TBCD: variants seen among roughly 807,000 people sequenced by gnomAD.
The protein encoded by TBCD is tubulin-specific chaperone D.
In TBCD, 105 loss-of-function variants were observed where a neutral mutation model predicts 169.3. The ratio of observed to expected loss-of-function variants is 0.62; its 90% CI spans 0.53 to 0.73. TBCD has a LOEUF of 0.73. Ranked by LOEUF, TBCD falls within the 30% of genes least tolerant of loss-of-function variation. The pLI is 0.00. For synonymous variants in TBCD, 700 were observed against 643.9 expected (o/e 1.09, Z -1.32); for missense variants, 1,444 against 1,600.1 (o/e 0.90, Z 1.66).
chr17:82,910,623 G>A (rs2060567098), intron 22 of TBCD, among the ~76,000 whole-genome samples: 2 of 151,892 alleles, frequency 1.3e-5, no homozygotes, highest in Admixed American at 1.3e-4. Context: ...CTGGAGTGCA[G>A]TGGCAGCATG....
At chr17:82,812,319 C>T (rs928228286) in intron 12 of TBCD, among the ~76,000 whole-genome samples, 9 of 152,194 alleles carry the variant, frequency 5.9e-5, no homozygotes, top group Admixed American at 2.6e-4. Flanking sequence ...GTGCCTCCCC[C>T]TCGCCCGCCG....
intron 34 of TBCD, 43 bp downstream of exon 34, chr17:82,932,778 A>ACT: frequency 6.3e-7 from 1 of 1,591,094 alleles, no homozygotes. Context: ...ATTAAGCCTA[A>ACT]GTAGCTCATG....
chr17:82,883,750 T>A lies in TBCD; in HGVS notation c.1476-395T>A, dbSNP rs144841264. Among the ~76,000 whole-genome samples, 22 of 152,338 alleles carry A rather than the reference T, an allele frequency of 1.4e-4. No homozygotes were observed. The East Asian group carries it at 4.2e-3, about 29-fold the overall frequency. ...TTGGTTTGCCCCCCTGTCCAAACGC[T>A]GCCAGTTCTCGTCCTCCAGGGCACT... On this transcript the variant is annotated intron_variant, in intron 14 of 38. Transcript: ENST00000355528.
At chr17:82,924,195 C>A (rs2061583513) in intron 26 of TBCD, among the ~76,000 whole-genome samples, 1 of 152,186 alleles carries the variant, frequency 6.6e-6, no homozygotes, top group African/African-American at 2.4e-5. Flanking sequence ...CTCAGGTGAT[C>A]CACCTGCCTC....
In TBCD at chr17:82,926,783, A is replaced by C. The variant is rs965154905; in HGVS notation, c.2471+292A>C. ...GCTGACCCTGCCAGCCAGTGTTTGG[A>C]ATGATCTCTGCACTCGTTGACAGAC... On this transcript the variant is annotated intron_variant, in intron 28 of 38. Coordinates refer to ENST00000355528, the MANE Select transcript of TBCD (RefSeq NM_005993.5). 7.4e-6 allele frequency: 4 copies of C among 542,282 alleles called. No individual in the cohort carries two copies. The African/African-American group carries it at 7.6e-5, about 10-fold the overall frequency. The allele number at this position is 542,282 out of a possible 1,614,324, so 33.6% of individuals were successfully genotyped here. A position where few individuals can be genotyped will look rare whatever the true frequency, so the allele number is the denominator to read the frequency against.
intron 14 of TBCD, among the ~76,000 whole-genome samples, chr17:82,882,441 C>T (rs1567950469): frequency 6.6e-6 from 1 of 152,168 alleles, no homozygotes; most frequent in Admixed American, 6.5e-5. Flanking sequence ...GACAAGTGCT[C>T]TCTCTGATAA....
At chr17:82,911,858 G>A (rs1025993239) in intron 23 of TBCD, 69 bp downstream of exon 23, 22 of 1,567,342 alleles carry the variant, frequency 1.4e-5, no homozygotes, top group African/African-American at 5.4e-5. Flanking sequence ...AGGTGTGCTC[G>A]TGGCGTGCAG....
Position 82,920,523 on chromosome 17 carries a change from C to T in TBCD, c.2039-33C>T, listed in dbSNP as rs1022071157. ...GTGGCAGGCGCTTTTAGAAAAGTAA[C>T]ATTGCGTCTATCCTTTTTTTTTTTT... On this transcript the variant is annotated intron_variant, in intron 23 of 38. Coordinates refer to ENST00000355528, the MANE Select transcript of TBCD (RefSeq NM_005993.5). The surrounding 1 kb of genome is among the most constrained non-coding windows in gnomAD (Gnocchi z 4.1). 9.6e-5 allele frequency: 145 copies of T among 1,512,990 alleles called. No individual in the cohort carries two copies. Among genetic ancestry groups the T allele is most frequent in the Admixed American group, 2.8e-4 (13 of 46,596 alleles). The allele number at this position is 1,512,990 out of a possible 1,614,324, so 93.7% of individuals were successfully genotyped here.
chr17:82,897,289 G>A lies in TBCD; in HGVS notation c.1650-3362G>A, dbSNP rs545926513. Among the ~76,000 whole-genome samples, 60 of 152,162 alleles carry A rather than the reference G, an allele frequency of 3.9e-4. No homozygotes were observed. In the East Asian group the frequency reaches 5.6e-3, roughly 14 times the overall value. ...AATGCCAGCACTTTGGGAGACCCAG[G>A]CAGGCAGATCACGAGGTCAAGAGAT... On this transcript the variant is annotated intron_variant, in intron 17 of 38. Transcript: ENST00000355528.
chr17:82,884,029 C>A lies in TBCD; in HGVS notation c.1476-116C>A. On this transcript the variant is annotated intron_variant, in intron 14 of 38. Coordinates refer to ENST00000355528, the MANE Select transcript of TBCD (RefSeq NM_005993.5). This position sits in a 1 kb window ranked among gnomAD's most constrained non-coding sequence, Gnocchi z 4.2. Reference sequence around the variant, plus strand: ...CTCAAGCTGTGTGTTGCCTGTGGGGCATGTCTGAACCTCAAGTGGGCCTGA... The same window carrying A: ...CTCAAGCTGTGTGTTGCCTGTGGGGAATGTCTGAACCTCAAGTGGGCCTGA... 1 of 941,676 alleles carries A rather than the reference C, an allele frequency of 1.1e-6. No homozygotes were observed. The highest frequency in any genetic ancestry group is 1.6e-6 in the Non-Finnish European group (1 of 608,032). The allele number at this position is 941,676 out of a possible 1,614,324, so 58.3% of individuals were successfully genotyped here. A position where few individuals can be genotyped will look rare whatever the true frequency, so the allele number is the denominator to read the frequency against.
chr17:82,883,125 C>T (rs779713535), intron 14 of TBCD, among the ~76,000 whole-genome samples: 1 of 152,262 alleles, frequency 6.6e-6, no homozygotes, highest in Non-Finnish European at 1.5e-5. Context: ...TGCATGTCCC[C>T]GGCGTCCTTC....
chr17:82,902,349 CAT>C (rs1363953114), intron 18 of TBCD, among the ~76,000 whole-genome samples: 1 of 152,180 alleles, frequency 6.6e-6, no homozygotes, highest in Non-Finnish European at 1.5e-5. Context: ...ATGTGAAAAC[CAT>C]TCTTAGCTGA....
rs1034309930 is a variant in TBCD, at chr17:82,943,804, T to C, written c.*1341T>C. ...CCTTGGGTTACATTTTTACGAGATT[T>C]AAATATTTTATTCCAACCTGTGTAA... On this transcript the variant is annotated 3_prime_UTR_variant, in exon 39 of 39. Coordinates refer to ENST00000355528, the MANE Select transcript of TBCD (RefSeq NM_005993.5). The C allele has an allele frequency of 4.6e-5, 7 of 152,246 alleles. No individual in the cohort carries two copies. Among genetic ancestry groups the C allele is most frequent in the African/African-American group, 1.7e-4 (7 of 41,454 alleles). 9.4% of individuals were successfully genotyped at this position (152,246 alleles called of 1,614,324 possible). A position where few individuals can be genotyped will look rare whatever the true frequency, so the allele number is the denominator to read the frequency against.
chr17:82,914,526 C>T (rs990707932), intron 23 of TBCD, among the ~76,000 whole-genome samples: 4 of 152,222 alleles, frequency 2.6e-5, no homozygotes, highest in African/African-American at 9.6e-5. Flanking sequence ...GGTGTTTGCA[C>T]TCCCTCACAC....
At chr17:82,772,775 G>A (rs577631362) in intron 6 of TBCD, among the ~76,000 whole-genome samples, 2 of 152,170 alleles carry the variant, frequency 1.3e-5, no homozygotes, top group East Asian at 1.9e-4. Context: ...TGGAAGAGGC[G>A]TGGCTGTCAT....
intron 13 of TBCD, among the ~76,000 whole-genome samples, chr17:82,868,241 T>C (rs2057316792): frequency 6.6e-6 from 1 of 152,082 alleles, no homozygotes; most frequent in South Asian, 2.1e-4. Flanking sequence ...GGAGGACAGC[T>C]CTTCTGTGGG....
At chr17:82,758,192 C>A (rs2047509211) in intron 2 of TBCD, among the ~76,000 whole-genome samples, 1 of 151,516 alleles carries the variant, frequency 6.6e-6, no homozygotes, top group Non-Finnish European at 1.5e-5. Context: ...AGTTTGAGAC[C>A]AGCCTGACCA....
In TBCD at chr17:82,921,130, C is replaced by T. The variant is rs566567731; in HGVS notation, c.2102-371C>T. 2 of 295,234 alleles carry T rather than the reference C, an allele frequency of 6.8e-6. 1 individual carries two copies. Among genetic ancestry groups the T allele is most frequent in the Non-Finnish European group, 1.3e-5 (2 of 159,826 alleles). 18.3% of individuals were successfully genotyped at this position (295,234 alleles called of 1,614,324 possible). A position where few individuals can be genotyped will look rare whatever the true frequency, so the allele number is the denominator to read the frequency against. ...TTTTTTGTTAATTGAATAGCCTTCA[C>T]ATTTGTTGCTTGTGCAGGATCTAAT... On this transcript the variant is annotated intron_variant, in intron 24 of 38. Transcript: ENST00000355528.
chr17:82,940,221 G>GCACACACA (rs71168175), intron 37 of TBCD, among the ~76,000 whole-genome samples: 1,464 of 131,790 alleles, frequency 0.011, 22 homozygotes, highest in African/African-American at 0.032. Context: ...TTGCACGCGC[G>GCACACACA]CACACACACA....
Sources: allele counts gnomAD v4.1 joint callset (sites outside exome capture counted in the v4.1 genomes callset), GRCh38; gene constraint gnomAD v4.1.1; non-coding constraint Gnocchi (gnomAD v3.1); transcripts MANE v1.5; gene names NCBI Gene and HGNC (gene_info 2026-07-23, HGNC 2026-07-21).